The following AGBL3 variants were observed in gnomAD, a reference collection of about 807,000 sequenced individuals.
AGBL3 encodes the protein AGBL carboxypeptidase 3.
In AGBL3, 68 loss-of-function variants were observed where a neutral mutation model predicts 94.5. The ratio of observed to expected loss-of-function variants is 0.72; its 90% CI spans 0.59 to 0.88. The LOEUF (loss-of-function observed/expected upper bound fraction) is 0.88, where lower values mean the gene tolerates loss of function less well. Ranked by LOEUF, AGBL3 falls within the 40% of genes least tolerant of loss-of-function variation. The pLI is 0.00. For missense variants in AGBL3, 934 were observed against 1,103.8 expected, an observed-to-expected ratio of 0.85 and a Z score of 2.18; for synonymous variants, 354 against 370.7, an observed-to-expected ratio of 0.95 and a Z score of 0.52.
chr7:135,128,845 C>A, intron 16 of AGBL3: 3 of 1,202,684 alleles, frequency 2.5e-6, no homozygotes, highest in South Asian at 1.2e-5. Context: ...GATGTGGAAT[C>A]ATTGTTAAAT....
At chr7:134,998,648 A>C (rs1811313239) in intron 4 of AGBL3, among the ~76,000 whole-genome samples, 1 of 152,210 alleles carries the variant, frequency 6.6e-6, no homozygotes, top group Non-Finnish European at 1.5e-5. Flanking sequence ...CTAGTGGGCT[A>C]TCTTGACCAC....
chr7:135,022,684 T>A (rs978596928), intron 5 of AGBL3, among the ~76,000 whole-genome samples: 4 of 152,212 alleles, frequency 2.6e-5, no homozygotes, highest in Non-Finnish European at 4.4e-5. Context: ...ATTTCTCAAT[T>A]TTAGCTTTTG....
intron 4 of AGBL3, among the ~76,000 whole-genome samples, chr7:135,005,212 T>C (rs1812233506): frequency 6.6e-6 from 1 of 151,796 alleles, no homozygotes; most frequent in Admixed American, 6.6e-5. Flanking sequence ...AGCATTTATA[T>C]TGTTACCTAG....
chr7:135,033,776 A>G (rs1816017944), intron 6 of AGBL3, among the ~76,000 whole-genome samples: 1 of 152,214 alleles, frequency 6.6e-6, no homozygotes, highest in Non-Finnish European at 1.5e-5. Context: ...TGTAATAGAT[A>G]CATATGTCTG....
At chr7:134,986,775 A>G (rs1809499652) in intron 1 of AGBL3, 74 bp downstream of exon 1, 1 of 152,372 alleles carries the variant, frequency 6.6e-6, no homozygotes, top group Non-Finnish European at 1.5e-5. Context: ...TCCCCACACC[A>G]AGGTGTCCAG....
chr7:135,035,834 T>C (rs1246671608), intron 7 of AGBL3, among the ~76,000 whole-genome samples: 3 of 152,154 alleles, frequency 2.0e-5, no homozygotes, highest in African/African-American at 7.2e-5. Flanking sequence ...ATGTACAGCA[T>C]GTTTCATATT....
At chr7:135,021,437 GC>G (rs1764058786) in intron 5 of AGBL3, among the ~76,000 whole-genome samples, 1 of 151,416 alleles carries the variant, frequency 6.6e-6, no homozygotes, top group Non-Finnish European at 1.5e-5. Flanking sequence ...GACTACAGGC[GC>G]CCACCACCAC....
At chr7:135,041,365 A>G (rs1411176823) in intron 8 of AGBL3, among the ~76,000 whole-genome samples, 1 of 152,210 alleles carries the variant, frequency 6.6e-6, no homozygotes, top group Non-Finnish European at 1.5e-5. Flanking sequence ...TTATGACAGT[A>G]TAAAACTACA....
At chr7:135,076,213 T>C (rs7785710) in intron 12 of AGBL3, among the ~76,000 whole-genome samples, 184 bp from the exon 13 acceptor site, 73,748 of 152,002 alleles carry the variant, frequency 0.49, 18,262 homozygotes, top group South Asian at 0.66. Flanking sequence ...AGCTAGTCTG[T>C]CTTCTCCTTT....
chr7:135,086,127 T>TTTGATG (rs1314551293), intron 15 of AGBL3, among the ~76,000 whole-genome samples: 2 of 152,038 alleles, frequency 1.3e-5, no homozygotes, highest in Admixed American at 1.3e-4. Flanking sequence ...GATTTCTTGT[T>TTTGATG]TTGATGGTTT....
At chr7:134,989,220 A>C in intron 2 of AGBL3, 30 bp from the exon 3 acceptor site, 2 of 1,499,792 alleles carry the variant, frequency 1.3e-6, no homozygotes, top group Non-Finnish European at 1.8e-6. Flanking sequence ...TGGTTTTTAA[A>C]AGAGAAATAT....
At chr7:135,016,675 T>C (rs904026351) in intron 4 of AGBL3, among the ~76,000 whole-genome samples, 2 of 152,070 alleles carry the variant, frequency 1.3e-5, no homozygotes, top group African/African-American at 4.8e-5. Context: ...TTGACAGCCA[T>C]TATCAAGCAA....
intron 7 of AGBL3, among the ~76,000 whole-genome samples, 185 bp downstream of exon 7, chr7:135,035,113 T>C (rs1816173851): frequency 6.9e-6 from 1 of 145,414 alleles, no homozygotes; most frequent in Admixed American, 7.0e-5. Context: ...TGCCACTGGA[T>C]TCACTAACCT....
At chr7:135,019,601 T>C (rs1268724118) in intron 5 of AGBL3, among the ~76,000 whole-genome samples, 1 of 152,220 alleles carries the variant, frequency 6.6e-6, no homozygotes, top group African/African-American at 2.4e-5. Context: ...TATCCTCGCA[T>C]TGCCAAGTCA....
intron 12 of AGBL3, among the ~76,000 whole-genome samples, chr7:135,066,665 C>T (rs1169395715): frequency 6.6e-6 from 1 of 152,128 alleles, no homozygotes; most frequent in African/African-American, 2.4e-5. Flanking sequence ...ATTAGCATTC[C>T]CATGTTTATT....
At chr7:135,117,221 G>A (rs1389713201) in intron 16 of AGBL3, among the ~76,000 whole-genome samples, 6 of 129,862 alleles carry the variant, frequency 4.6e-5, no homozygotes, top group African/African-American at 1.6e-4. Flanking sequence ...TGCCAAGCAT[G>A]AGATTTATTC....
intron 15 of AGBL3, among the ~76,000 whole-genome samples, chr7:135,087,503 T>C (rs1197094436): frequency 6.6e-6 from 1 of 152,066 alleles, no homozygotes; most frequent in East Asian, 1.9e-4. Flanking sequence ...GCTGTTGCTA[T>C]ATCCTATAGG....
At chr7:135,087,057 T>C (rs1821389968) in intron 15 of AGBL3, among the ~76,000 whole-genome samples, 1 of 152,014 alleles carries the variant, frequency 6.6e-6, no homozygotes. Flanking sequence ...TTCTATTTCT[T>C]CTTTGCTTAA....
At position 135,000,100 on chromosome 7, in the gene AGBL3, C is replaced by T. The variant is rs569836302; in HGVS notation, c.310+6422C>T. Among the ~76,000 whole-genome samples the T allele has an allele frequency of 9.8e-5, 15 of 152,358 alleles. 1 individual carries two copies. The highest frequency in any genetic ancestry group is 3.4e-3 in the Middle Eastern group (1 of 294). On this transcript the variant is annotated intron_variant, in intron 4 of 16. Coordinates refer to ENST00000436302, the MANE Select transcript of AGBL3 (RefSeq NM_178563.4). ...TCCCAGTAACATTGTCCTGTATAAACCGTTTCCATTTATTATGGAGCCCTT... is the reference window on the plus strand; with the variant it reads ...TCCCAGTAACATTGTCCTGTATAAATCGTTTCCATTTATTATGGAGCCCTT...
Sources: allele counts gnomAD v4.1 joint callset (sites outside exome capture counted in the v4.1 genomes callset), GRCh38; gene constraint gnomAD v4.1.1; transcripts MANE v1.5; gene names NCBI Gene and HGNC (gene_info 2026-07-23, HGNC 2026-07-21).